The following MYO18A variants were observed in gnomAD, a reference collection of about 807,000 sequenced individuals.
MYO18A encodes the protein unconventional myosin-XVIIIa.
A neutral mutation model predicts 235.8 loss-of-function variants in MYO18A; 78 were observed. The ratio of observed to expected loss-of-function variants is 0.33; its 90% CI spans 0.28 to 0.40. MYO18A has a LOEUF of 0.40. Among genes scored for constraint, MYO18A ranks in the 10% least tolerant of loss-of-function variants. The pLI is 1.00. For missense variants in MYO18A, 2,215 were observed against 2,699.3 expected, an observed-to-expected ratio of 0.82 and a Z score of 3.98; for synonymous variants, 977 against 1,077.8, an observed-to-expected ratio of 0.91 and a Z score of 1.83.
In MYO18A at chr17:29,074,273, G is replaced by C; in HGVS notation, c.*497C>G. On this transcript the variant is annotated 3_prime_UTR_variant, in exon 42 of 42. Coordinates refer to ENST00000527372, the MANE Select transcript of MYO18A (RefSeq NM_078471.4). The surrounding 1 kb of genome is among the most constrained non-coding windows in gnomAD (Gnocchi z 4.4). ...CTCTCAGGGATGCAGCTGTGATGGA[G>C]AGGTTGGGTATTTAAATTAAAAAGT... is the stretch of plus-strand genomic sequence containing the variant. The C allele has an allele frequency of 1.5e-6, 2 of 1,347,242 alleles. No homozygotes were observed. Among genetic ancestry groups the C allele is most frequent in the South Asian group, 2.9e-5 (2 of 69,708 alleles). The allele number at this position is 1,347,242 out of a possible 1,614,324, so 83.5% of individuals were successfully genotyped here. A position where few individuals can be genotyped will look rare whatever the true frequency, so the allele number is the denominator to read the frequency against.
In MYO18A at chr17:29,126,560, G is replaced by A. The variant is rs2067327128; in HGVS notation, c.1000-4307C>T. ...CTGCAATGCCCAGGAAGAATGGGGAGCAACAAGGCTCCCCAGGTCCCAGGA... is the reference window on the plus strand; with the variant it reads ...CTGCAATGCCCAGGAAGAATGGGGAACAACAAGGCTCCCCAGGTCCCAGGA... On this transcript the variant is annotated intron_variant, in intron 2 of 41. Transcript: ENST00000527372. The surrounding 1 kb of genome is among the most constrained non-coding windows in gnomAD (Gnocchi z 4.1). 6.6e-6 allele frequency among the ~76,000 whole-genome samples: 1 copy of A among 152,088 alleles called. No individual in the cohort carries two copies. The highest frequency in any genetic ancestry group is 2.4e-5 in the African/African-American group (1 of 41,414).
chr17:29,075,237 A>C, intron 41 of MYO18A: 1 of 262,642 alleles, frequency 3.8e-6, no homozygotes, highest in Non-Finnish European at 8.0e-6. Context: ...CAACCCAGTA[A>C]TTCTGCATTT....
At position 29,117,284 on chromosome 17, in the gene MYO18A, C is replaced by T. The variant is rs1212305907; in HGVS notation, c.2038+761G>A. Among the ~76,000 whole-genome samples the T allele has an allele frequency of 6.6e-6, 1 of 152,228 alleles. No homozygotes were observed. The highest frequency in any genetic ancestry group is 1.9e-4 in the East Asian group (1 of 5,190). ...AAGTCCCCGAGCGCAAGTGCCAAAG[C>T]TGCAGCCCATTCGTTACCACGGTGC... On this transcript the variant is annotated intron_variant, in intron 10 of 41. Transcript: ENST00000527372. This position sits in a 1 kb window ranked among gnomAD's most constrained non-coding sequence, Gnocchi z 4.6.
At chr17:29,102,830 G>A (rs541225333) in intron 21 of MYO18A, among the ~76,000 whole-genome samples, 7 of 152,314 alleles carry the variant, frequency 4.6e-5, no homozygotes, top group East Asian at 3.9e-4. Flanking sequence ...CACCGCACAC[G>A]CCCCACGGGG....
rs748479097 is a variant in MYO18A, at chr17:29,111,844, G to C, written c.2618C>G (p.Thr873Arg). 32 of 1,612,298 alleles carry C rather than the reference G, an allele frequency of 2.0e-5. No individual in the cohort carries two copies. The highest frequency in any genetic ancestry group is 2.3e-5 in the Non-Finnish European group (27 of 1,179,220). Residue 873 changes from threonine to arginine, a missense_variant, in exon 16 of 42, where the codon ACA becomes AGA. Coordinates refer to ENST00000527372, the MANE Select transcript of MYO18A (RefSeq NM_078471.4). This position sits in a 1 kb window ranked among gnomAD's most constrained non-coding sequence, Gnocchi z 5.1. ...HQSLVRSLARTDEARGLLWLL... is the reference protein window; with the variant it reads ...HQSLVRSLARRDEARGLLWLL... ...CCAGAGCAGGCCCCTCGCCTCGTCT[G>C]TGCGGGCCAGCGAGCGGACCTACAG...
Position 29,115,407 on chromosome 17 carries a change from G to A in MYO18A, c.2262C>T (p.Gly754=), listed in dbSNP as rs1567604895. 2.5e-6 allele frequency: 4 copies of A among 1,613,798 alleles called. No homozygotes were observed. The highest frequency in any genetic ancestry group is 1.3e-5 in the African/African-American group (1 of 74,936). ...PKLSALECLE[G]MAAGLYSELF... ...GCTCGCTGTAGAGGCCGGCCGCCAT[G>A]CCCTCAAGGCACTCCAGTGCACTCA... The change falls in exon 13 of 42, where the codon GGC becomes GGT. Residue 754 remains glycine (G), a synonymous_variant. Coordinates refer to ENST00000527372, the MANE Select transcript of MYO18A (RefSeq NM_078471.4).
At chr17:29,124,571 C>T (rs766090862) in intron 2 of MYO18A, 22 of 1,090,714 alleles carry the variant, frequency 2.0e-5, no homozygotes, top group Middle Eastern at 3.5e-4. Flanking sequence ...CGAGCACAGA[C>T]GCCAGCCCAG....
intron 1 of MYO18A, among the ~76,000 whole-genome samples, chr17:29,177,053 C>T (rs114250937): frequency 0.024 from 3,655 of 152,326 alleles, 138 homozygotes; most frequent in African/African-American, 0.082. Context: ...CCGCTAACAT[C>T]CCCTTCCGTG....
chr17:29,111,571 A>T lies in MYO18A; in HGVS notation c.2753T>A (p.Leu918His). ...QEGDKKGQSP[L>H]LHSSKPHHFL... ...GTGGTGTGGTTTGCTGCTGTGCAGAAGGGGGCTTTGGCCTGATGGTGGGAG... is the reference window on the plus strand; with the variant it reads ...GTGGTGTGGTTTGCTGCTGTGCAGATGGGGGCTTTGGCCTGATGGTGGGAG... The change falls in exon 17 of 42, where the codon CTT (leucine) becomes CAT (histidine). Residue 918 changes from leucine to histidine, a missense_variant. Coordinates refer to ENST00000527372, the MANE Select transcript of MYO18A (RefSeq NM_078471.4). This position sits in a 1 kb window ranked among gnomAD's most constrained non-coding sequence, Gnocchi z 5.1. The T allele has an allele frequency of 5.0e-6, 8 of 1,613,862 alleles. No homozygotes were observed. The highest frequency in any genetic ancestry group is 6.8e-6 in the Non-Finnish European group (8 of 1,179,836).
chr17:29,118,215 G>T lies in MYO18A; in HGVS notation c.1894-26C>A. ...CTGTGGAGATAGATGACCTCAAAGG[G>T]CTGTCCCTCCCAGCACACCCCCATG... On this transcript the variant is annotated intron_variant, in intron 9 of 41. Coordinates refer to ENST00000527372, the MANE Select transcript of MYO18A (RefSeq NM_078471.4). This position sits in a 1 kb window ranked among gnomAD's most constrained non-coding sequence, Gnocchi z 4.2. 1 of 1,590,786 alleles carries T rather than the reference G, an allele frequency of 6.3e-7. No homozygotes were observed. Among genetic ancestry groups the T allele is most frequent in the Non-Finnish European group, 8.6e-7 (1 of 1,167,244 alleles).
In MYO18A at chr17:29,110,597, C is replaced by G; in HGVS notation, c.2926G>C (p.Gly976Arg). 1 of 1,605,574 alleles carries G rather than the reference C, an allele frequency of 6.2e-7. No individual in the cohort carries two copies. The highest frequency in any genetic ancestry group is 8.5e-7 in the Non-Finnish European group (1 of 1,174,042). The change falls in exon 18 of 42, where the codon GGC (glycine) becomes CGC (arginine). Residue 976 changes from glycine to arginine, a missense_variant. Physicochemically the swap from Gly to Arg is moderately radical, Grantham distance 125. Transcript: ENST00000527372. Reference protein sequence around the residue: ...QKKIISNLFLGRAGSATVLSG... With the variant: ...QKKIISNLFLRRAGSATVLSG... ...AGCACCGTGGCACTGCCTGCGCGGC[C>G]CAGAAACAGGTTGCTGATGATTTTT...
intron 27 of MYO18A, 72 bp from the exon 28 acceptor site, chr17:29,096,987 T>C: frequency 6.8e-7 from 1 of 1,465,136 alleles, no homozygotes. Context: ...GAGAGGGAAG[T>C]GGGTGAGTGA....
rs979127001 is a variant in MYO18A at position 29,166,227 on chromosome 17, T to C, written c.714A>G (p.Thr238=). 3 of 1,612,850 alleles carry C rather than the reference T, an allele frequency of 1.9e-6. No individual in the cohort carries two copies. Among genetic ancestry groups the C allele is most frequent in the Non-Finnish European group, 2.5e-6 (3 of 1,179,880 alleles). The stretch of plus-strand genomic sequence containing the variant: ...CCTCGGGGCCCCGATCCAGCATGGT[T>C]GTGCGCCGCAGGGAGAAGCCAAAGT... ...TGDFGFSLRR[T]TMLDRGPEGQ... is the part of the protein sequence containing the mutation. Residue 238 remains threonine (T), a synonymous_variant, in exon 2 of 42, where the codon ACA becomes ACG. Transcript: ENST00000527372.
chr17:29,108,133 T>C (rs1431051165), intron 19 of MYO18A, among the ~76,000 whole-genome samples: 1 of 152,052 alleles, frequency 6.6e-6, no homozygotes. Flanking sequence ...AAAAGCACAG[T>C]GTGACTCACT....
chr17:29,120,877 A>G lies in MYO18A; in HGVS notation c.1586-119T>C. The G allele has an allele frequency of 6.4e-7, 1 of 1,562,826 alleles. No individual in the cohort carries two copies. Among genetic ancestry groups the G allele is most frequent in the Non-Finnish European group, 8.7e-7 (1 of 1,148,858 alleles). On this transcript the variant is annotated intron_variant, in intron 6 of 41. Transcript: ENST00000527372. This position sits in a 1 kb window ranked among gnomAD's most constrained non-coding sequence, Gnocchi z 4.2. ...ATTCAGACCAGAACTGCCCGTGGACAGAGGGGTTTCGGGGGGATGGAAAGG... is the reference window on the plus strand; with the variant it reads ...ATTCAGACCAGAACTGCCCGTGGACGGAGGGGTTTCGGGGGGATGGAAAGG...
intron 41 of MYO18A, chr17:29,077,095 T>C (rs1015227950): frequency 7.9e-5 from 12 of 152,308 alleles, no homozygotes; most frequent in Admixed American, 7.2e-4. Flanking sequence ...CGCTGGGCAG[T>C]GGCAGGAGCT....
rs763557339 is a variant in MYO18A at position 29,121,808 on chromosome 17, C to A, written c.1194+43G>T. On this transcript the variant is annotated intron_variant, in intron 4 of 41. Transcript: ENST00000527372. This position sits in a 1 kb window ranked among gnomAD's most constrained non-coding sequence, Gnocchi z 4.2. ...GGATGGGCCTGCCCTGCCCAGTGCA[C>A]TCCTGAGCCTCCTCCCCCACACCCA... The A allele has an allele frequency of 6.2e-7, 1 of 1,612,060 alleles. No individual in the cohort carries two copies. Among genetic ancestry groups the A allele is most frequent in the South Asian group, 1.1e-5 (1 of 90,876 alleles).
rs374357027 is a variant in MYO18A at position 29,085,589 on chromosome 17, C to G, written c.5897+15G>C. On this transcript the variant is annotated intron_variant, in intron 40 of 41. Transcript: ENST00000527372. ...CGCGAGGACAGGCAGAGAGCACATG[C>G]GCTCCAGTCCTCACAGTTTATTCTT... 6.2e-7 allele frequency: 1 copy of G among 1,613,058 alleles called. No individual in the cohort carries two copies. The highest frequency in any genetic ancestry group is 8.5e-7 in the Non-Finnish European group (1 of 1,179,224).
chr17:29,083,559 C>CACACACACACACACA (rs1555622345), intron 40 of MYO18A, among the ~76,000 whole-genome samples: 2 of 151,066 alleles, frequency 1.3e-5, no homozygotes, highest in East Asian at 2.0e-4. Flanking sequence ...CACACACACA[C>CACACACACACACACA]GAAACCAGCA....
Sources: allele counts gnomAD v4.1 joint callset (sites outside exome capture counted in the v4.1 genomes callset), GRCh38; gene constraint gnomAD v4.1.1; non-coding constraint Gnocchi (gnomAD v3.1); transcripts MANE v1.5; gene names NCBI Gene and HGNC (gene_info 2026-07-23, HGNC 2026-07-21).